Variants in ZNF385D observed in about 807,000 individuals in gnomAD.
ZNF385D encodes the protein zinc finger protein 385D, also known as zinc finger protein 659.
Under a neutral mutation model 35.8 loss-of-function variants are expected in ZNF385D, and 15 were observed. The observed-to-expected ratio is 0.42, with a 90% CI of 0.28 to 0.64. The LOEUF is 0.64. Ranked by LOEUF, ZNF385D falls within the 30% of genes least tolerant of loss-of-function variation. The pLI is 0.23. For missense variants in ZNF385D, 474 were observed against 494.6 expected (o/e 0.96, Z 0.39); for synonymous variants, 212 against 186.8 (o/e 1.13, Z -1.10).
intron 3 of ZNF385D, among the ~76,000 whole-genome samples, chr3:22,025,733 T>C (rs765737318): frequency 1.3e-5 from 2 of 152,124 alleles, no homozygotes; most frequent in Non-Finnish European, 2.9e-5. Flanking sequence ...TTAGGGAGAT[T>C]GGGATGGTGG....
intron 3 of ZNF385D, among the ~76,000 whole-genome samples, chr3:21,812,812 A>C (rs1019516652): frequency 2.0e-5 from 3 of 152,216 alleles, no homozygotes; most frequent in Non-Finnish European, 4.4e-5. Context: ...CTGCAGAATT[A>C]AACGTCCCTG....
Position 22,275,534 on chromosome 3 carries a change from T to C in ZNF385D, c.106+96916A>G, listed in dbSNP as rs530377157. Reference sequence around the variant, plus strand: ...GAAATAAAACTGCATCTTACTCTACTAATCCTGGAGTCATAGACTTTGCTT... The same window carrying C: ...GAAATAAAACTGCATCTTACTCTACCAATCCTGGAGTCATAGACTTTGCTT... On this transcript the variant is annotated intron_variant, in intron 2 of 5. Coordinates refer to the ZNF385D transcript ENST00000494108. 5.3e-5 allele frequency among the ~76,000 whole-genome samples: 8 copies of C among 152,268 alleles called. No individual in the cohort carries two copies. In the East Asian group the frequency reaches 1.5e-3, roughly 29 times the overall value.
chr3:21,485,399 T>C (rs927820240), intron 4 of ZNF385D, among the ~76,000 whole-genome samples: 1 of 152,134 alleles, frequency 6.6e-6, no homozygotes, highest in Non-Finnish European at 1.5e-5. Context: ...AGAAGACAAC[T>C]TGAATTGTCC....
intron 3 of ZNF385D, among the ~76,000 whole-genome samples, chr3:22,049,498 T>A (rs922185164): frequency 6.6e-6 from 1 of 152,078 alleles, no homozygotes; most frequent in Non-Finnish European, 1.5e-5. Flanking sequence ...TCCCATCGGA[T>A]GCCTTTTATT....
At chr3:22,193,482 T>C (rs1452280694) in intron 2 of ZNF385D, among the ~76,000 whole-genome samples, 1 of 152,106 alleles carries the variant, frequency 6.6e-6, no homozygotes, top group Non-Finnish European at 1.5e-5. Flanking sequence ...GAGATCTAAG[T>C]ACAAATTAAC....
intron 3 of ZNF385D, among the ~76,000 whole-genome samples, chr3:21,799,614 G>C (rs1455702111): frequency 6.6e-6 from 1 of 151,948 alleles, no homozygotes; most frequent in Non-Finnish European, 1.5e-5. Context: ...TTTTCAATTG[G>C]ATTGTTTTTC....
At chr3:21,501,415 T>C (rs1706354938) in intron 4 of ZNF385D, among the ~76,000 whole-genome samples, 1 of 152,180 alleles carries the variant, frequency 6.6e-6, no homozygotes, top group African/African-American at 2.4e-5. Flanking sequence ...AAAAGAAAAA[T>C]GCAAGTGTAA....
At chr3:21,789,433 G>C (rs2071831965) in intron 3 of ZNF385D, among the ~76,000 whole-genome samples, 1 of 152,140 alleles carries the variant, frequency 6.6e-6, no homozygotes, top group African/African-American at 2.4e-5. Context: ...TTTTGTTGTT[G>C]TTGCTCTAAA....
intron 3 of ZNF385D, among the ~76,000 whole-genome samples, chr3:21,985,398 G>T (rs1190382688): frequency 1.7e-5 from 2 of 116,574 alleles, no homozygotes; most frequent in Non-Finnish European, 3.5e-5. Flanking sequence ...TTTTGTCAAA[G>T]GCTTTTTCTG....
intron 2 of ZNF385D, among the ~76,000 whole-genome samples, chr3:22,331,564 G>A (rs1694938360): frequency 6.6e-6 from 1 of 152,062 alleles, no homozygotes; most frequent in South Asian, 2.1e-4. Flanking sequence ...TATAATTATA[G>A]TACAAAAATT....
chr3:22,358,074 C>T (rs149973696), intron 2 of ZNF385D, among the ~76,000 whole-genome samples: 79 of 151,880 alleles, frequency 5.2e-4, no homozygotes, highest in African/African-American at 1.8e-3. Context: ...ACTGGGCACT[C>T]AATAAATATT....
chr3:22,128,188 C>A (rs1703554559), intron 3 of ZNF385D, among the ~76,000 whole-genome samples: 1 of 152,182 alleles, frequency 6.6e-6, no homozygotes, highest in South Asian at 2.1e-4. Flanking sequence ...TCCATCAGCA[C>A]TTTAAGTATA....
chr3:22,012,926 C>T (rs570063210), intron 3 of ZNF385D, among the ~76,000 whole-genome samples: 11 of 152,138 alleles, frequency 7.2e-5, no homozygotes, highest in African/African-American at 1.4e-4. Context: ...ACTGACTCAA[C>T]GACCGCATTT....
chr3:21,889,444 G>T (rs975902176), intron 3 of ZNF385D, among the ~76,000 whole-genome samples: 1 of 152,182 alleles, frequency 6.6e-6, no homozygotes, highest in Admixed American at 6.5e-5. Flanking sequence ...GATCCCCAGT[G>T]ATAGCACCCA....
chr3:21,833,533 C>A (rs1002840315), intron 3 of ZNF385D, among the ~76,000 whole-genome samples: 1 of 152,110 alleles, frequency 6.6e-6, no homozygotes, highest in Non-Finnish European at 1.5e-5. Context: ...TAAAAACCTT[C>A]CTGGTTTCCC....
chr3:21,833,824 A>T (rs750976852), intron 3 of ZNF385D, among the ~76,000 whole-genome samples: 17 of 152,178 alleles, frequency 1.1e-4, no homozygotes, highest in Admixed American at 8.5e-4. Context: ...TCTATCTTCC[A>T]TGTAATTATT....
At chr3:21,915,454 T>C (rs150274974) in intron 3 of ZNF385D, among the ~76,000 whole-genome samples, 14 of 152,314 alleles carry the variant, frequency 9.2e-5, no homozygotes, top group African/African-American at 1.7e-4. Flanking sequence ...AATGTAGATG[T>C]ATCTCATTTC....
At chr3:22,323,049 C>A (rs1354106119) in intron 2 of ZNF385D, among the ~76,000 whole-genome samples, 1 of 152,052 alleles carries the variant, frequency 6.6e-6, no homozygotes, top group Non-Finnish European at 1.5e-5. Context: ...AATCTCAACC[C>A]CCACGGACAG....
At chr3:21,827,385 AGATT>A (rs966856418) in intron 3 of ZNF385D, among the ~76,000 whole-genome samples, 1 of 152,192 alleles carries the variant, frequency 6.6e-6, no homozygotes, top group African/African-American at 2.4e-5. Context: ...ACAGTTAAAT[AGATT>A]ATTTTAAGCC....
Sources: gnomAD v4.1 joint callset for allele counts (sites outside exome capture counted in the v4.1 genomes callset) on GRCh38, gnomAD v4.1.1 for gene constraint, MANE v1.5 for transcripts, NCBI Gene and HGNC (gene_info 2026-07-23, HGNC 2026-07-21) for gene names.